Variants in PKIB observed in about 807,000 individuals in gnomAD.
PKIB encodes the protein cAMP-dependent protein kinase inhibitor beta, also known as PKI-beta.
Under a neutral mutation model 4.5 loss-of-function variants are expected in PKIB, and 2 were observed. The ratio of observed to expected loss-of-function variants is 0.44; its 90% confidence interval spans 0.18 to 1.39. The LOEUF (loss-of-function observed/expected upper bound fraction) is 1.39. PKIB is among the 40% of genes most tolerant of loss of function. The probability of loss-of-function intolerance (pLI) is 0.27; values close to 1 mark genes in which losing one functional copy is unlikely to be tolerated. For missense variants in PKIB, 94 were observed against 92.6 expected (o/e 1.02, Z -0.06); for synonymous variants, 38 against 36.0 (o/e 1.06, Z -0.20).
intron 2 of PKIB, among the ~76,000 whole-genome samples, chr6:122,514,016 T>C (rs1294234176): frequency 6.6e-6 from 1 of 152,150 alleles, no homozygotes; most frequent in Non-Finnish European, 1.5e-5. Flanking sequence ...TCCTTGGTGA[T>C]TTAAAGTTTC....
intron 3 of PKIB, among the ~76,000 whole-genome samples, chr6:122,686,279 GA>G (rs1778088081): frequency 6.6e-6 from 1 of 152,058 alleles, no homozygotes; most frequent in African/African-American, 2.4e-5. Flanking sequence ...AACAGTATAT[GA>G]GGGTTCCCTT....
intron 3 of PKIB, among the ~76,000 whole-genome samples, chr6:122,605,161 A>G (rs1020186148): frequency 1.2e-4 from 19 of 152,302 alleles, no homozygotes; most frequent in Admixed American, 3.3e-4. Flanking sequence ...GTGGCCTTTC[A>G]AAGATGGATG....
intron 4 of PKIB, among the ~76,000 whole-genome samples, chr6:122,724,213 A>T (rs549899153): frequency 1.3e-5 from 2 of 152,308 alleles, no homozygotes; most frequent in African/African-American, 4.8e-5. Context: ...GACAGTAGTG[A>T]CTTGTGGGAA....
At chr6:122,643,956 G>C (rs1343436102) in intron 2 of PKIB, 2 of 151,904 alleles carry the variant, frequency 1.3e-5, no homozygotes, top group South Asian at 4.2e-4. Flanking sequence ...TGTTTGTGTG[G>C]GTATGGTTGC....
intron 3 of PKIB, among the ~76,000 whole-genome samples, chr6:122,708,864 C>T (rs1779162006): frequency 6.6e-6 from 1 of 152,122 alleles, no homozygotes; most frequent in African/African-American, 2.4e-5. Flanking sequence ...AACTCCTGAC[C>T]TCAGGTGATC....
intron 2 of PKIB, among the ~76,000 whole-genome samples, chr6:122,519,405 G>T (rs189017872): frequency 6.6e-6 from 1 of 152,132 alleles, no homozygotes; most frequent in East Asian, 1.9e-4. Context: ...TAAATAAAGT[G>T]CACAATAAAT....
intron 2 of PKIB, among the ~76,000 whole-genome samples, chr6:122,503,799 T>C (rs957099632): frequency 3.3e-5 from 5 of 152,124 alleles, no homozygotes; most frequent in Non-Finnish European, 7.4e-5. Flanking sequence ...GGCTAGGGTG[T>C]AAAACAATTT....
chr6:122,669,644 G>A (rs1777374336), intron 2 of PKIB, among the ~76,000 whole-genome samples: 1 of 151,914 alleles, frequency 6.6e-6, no homozygotes, highest in Admixed American at 6.6e-5. Context: ...CCTTTTGTCT[G>A]AGTTCCAGGC....
At chr6:122,538,170 G>C (rs369139593) in intron 2 of PKIB, among the ~76,000 whole-genome samples, 2,413 of 151,620 alleles carry the variant, frequency 0.016, 30 homozygotes, top group Non-Finnish European at 0.025. Flanking sequence ...TGTGCAGAAG[G>C]TCTTTAGTTT....
chr6:122,660,204 C>T (rs190408035), intron 2 of PKIB, among the ~76,000 whole-genome samples: 4 of 152,304 alleles, frequency 2.6e-5, no homozygotes, highest in South Asian at 2.1e-4. Context: ...TAGTCATATG[C>T]ACTTCCACTA....
chr6:122,593,511 A>T (rs990169955), intron 3 of PKIB, among the ~76,000 whole-genome samples: 2 of 152,210 alleles, frequency 1.3e-5, no homozygotes, highest in African/African-American at 4.8e-5. Context: ...TAGCCTCAGC[A>T]TTGCTATTGA....
intron 2 of PKIB, chr6:122,480,116 C>T (rs1439545234): frequency 6.6e-6 from 1 of 151,572 alleles, no homozygotes; most frequent in Non-Finnish European, 1.5e-5. Context: ...AATCTTGGCT[C>T]ACTGCAAGCT....
chr6:122,659,693 G>C (rs983929813), intron 2 of PKIB, among the ~76,000 whole-genome samples: 3 of 152,198 alleles, frequency 2.0e-5, no homozygotes, highest in Admixed American at 2.0e-4. Flanking sequence ...GGTTGAAACT[G>C]TAATTTAATA....
At chr6:122,530,002 T>A (rs1777210364) in intron 2 of PKIB, among the ~76,000 whole-genome samples, 2 of 152,086 alleles carry the variant, frequency 1.3e-5, no homozygotes, top group African/African-American at 4.8e-5. Flanking sequence ...TTTTCAGCCA[T>A]TATTTTTTCA....
chr6:122,517,928 A>C (rs1055977998), intron 2 of PKIB, among the ~76,000 whole-genome samples: 2 of 152,234 alleles, frequency 1.3e-5, no homozygotes, highest in African/African-American at 4.8e-5. Context: ...TCTGTTTATA[A>C]ATAACTCCAA....
intron 4 of PKIB, 114 bp from the exon 5 acceptor site, chr6:122,725,014 G>T: frequency 2.6e-6 from 2 of 770,730 alleles, no homozygotes; most frequent in South Asian, 1.8e-5. Flanking sequence ...TTCCATATCT[G>T]AATTGAGGGC....
chr6:122,503,100 G>A (rs1776292749), intron 2 of PKIB, among the ~76,000 whole-genome samples: 1 of 152,084 alleles, frequency 6.6e-6, no homozygotes, highest in African/African-American at 2.4e-5. Context: ...TTCTTTTAAG[G>A]ACACTAATTC....
intron 3 of PKIB, among the ~76,000 whole-genome samples, chr6:122,697,585 C>T (rs1481459599): frequency 6.6e-6 from 1 of 151,862 alleles, no homozygotes; most frequent in Non-Finnish European, 1.5e-5. Context: ...TGGATGCTCC[C>T]AGGGGGTGTG....
chr6:122,635,704 A>G (rs1775894089), intron 2 of PKIB, among the ~76,000 whole-genome samples: 1 of 152,234 alleles, frequency 6.6e-6, no homozygotes, highest in East Asian at 1.9e-4. Flanking sequence ...GAAACTTATT[A>G]AAGTGATTTC....
Sources: gnomAD v4.1 joint callset for allele counts (sites outside exome capture counted in the v4.1 genomes callset) on GRCh38, gnomAD v4.1.1 for gene constraint, MANE v1.5 for transcripts, NCBI Gene and HGNC (gene_info 2026-07-23, HGNC 2026-07-21) for gene names.